The following EXD3 variants were observed in gnomAD, a reference collection of about 807,000 sequenced individuals.
EXD3 encodes exonuclease mut-7 homolog.
A neutral mutation model predicts 98.0 loss-of-function variants in EXD3; 92 were observed. The observed-to-expected ratio is 0.94, with a 90% CI of 0.79 to 1.12. The LOEUF is 1.12. Among genes scored for constraint, EXD3 ranks in the 50% most tolerant of loss-of-function variants. The pLI is 0.00. For synonymous variants in EXD3, 569 were observed against 526.0 expected (o/e 1.08, Z -1.12); for missense variants, 1,222 against 1,191.6 (o/e 1.03, Z -0.38).
chr9:137,396,671 C>A (rs758146562), intron 1 of EXD3, among the ~76,000 whole-genome samples: 2 of 152,218 alleles, frequency 1.3e-5, no homozygotes, highest in African/African-American at 4.8e-5. Flanking sequence ...AAAAAAGTTA[C>A]GTGGACATCG....
Position 137,383,364 on chromosome 9 carries a change from G to A in EXD3, c.69C>T (p.Leu23=). The A allele has an allele frequency of 6.4e-7, 1 of 1,550,686 alleles. No homozygotes were observed. Among genetic ancestry groups the A allele is most frequent in the Non-Finnish European group, 8.7e-7 (1 of 1,146,924 alleles). ...GERHRMGRDP[L]LLLQALQTLW... ...GGGTCTGCAGGGCCTGCAGGAGCAG[G>A]AGGGGGTCCCGGCCTGTGGAGATAA... Residue 23 remains leucine, a synonymous_variant, in exon 3 of 22, where the codon CTC becomes CTT. Coordinates refer to ENST00000340951, the MANE Select transcript of EXD3 (RefSeq NM_017820.5).
At position 137,349,922 on chromosome 9, in the gene EXD3, AC is replaced by A. The variant is rs1470332796; in HGVS notation, c.1495-392del. 2.0e-5 allele frequency among the ~76,000 whole-genome samples: 3 copies of A among 146,586 alleles called. No homozygotes were observed. The highest frequency in any genetic ancestry group is 3.0e-5 in the Non-Finnish European group (2 of 66,936). Reference sequence around the variant, plus strand: ...AACGCAGACAAAATGCAGCGAAACCACCCCCGGGGGGCTCTAGTGCTCATGC... The same window carrying A: ...AACGCAGACAAAATGCAGCGAAACCACCCCGGGGGGCTCTAGTGCTCATGC... On this transcript the variant is annotated intron_variant, in intron 14 of 21. Coordinates refer to ENST00000340951, the MANE Select transcript of EXD3 (RefSeq NM_017820.5). This position sits in a 1 kb window ranked among gnomAD's most constrained non-coding sequence, Gnocchi z 7.4.
intron 8 of EXD3, among the ~76,000 whole-genome samples, chr9:137,355,716 G>T (rs1016609346): frequency 3.5e-3 from 530 of 150,876 alleles, no homozygotes; most frequent in African/African-American, 0.012. Context: ...AAGGAGGAAG[G>T]AGGAAGGAGG....
intron 17 of EXD3, chr9:137,343,573 A>ATTTTTTT (rs1564493044): frequency 8.4e-4 from 19 of 22,534 alleles, no homozygotes; most frequent in African/African-American, 2.7e-3. Context: ...GGACTACTGT[A>ATTTTTTT]TCTTTTTTTT....
At chr9:137,396,776 T>C (rs551913067) in intron 1 of EXD3, among the ~76,000 whole-genome samples, 181 of 152,372 alleles carry the variant, frequency 1.2e-3, no homozygotes, top group African/African-American at 4.3e-3. Flanking sequence ...TCCAGACTCC[T>C]GCTCCACCGT....
rs186864043 is a variant in EXD3 at position 137,402,846 on chromosome 9, C to T, written c.-47-7442G>A. ...CATGGCTGGGGAGGCCTCAGAATCA[C>T]GGTGGAAGGCGAAAGGCACTTCTTA... On this transcript the variant is annotated intron_variant, in intron 1 of 21. Coordinates refer to ENST00000340951, the MANE Select transcript of EXD3 (RefSeq NM_017820.5). Among the ~76,000 whole-genome samples, 26 of 152,196 alleles carry T rather than the reference C, an allele frequency of 1.7e-4. No homozygotes were observed. In the East Asian group the frequency reaches 2.9e-3, roughly 17 times the overall value.
chr9:137,351,266 T>A, intron 13 of EXD3, 52 bp downstream of exon 13: 1 of 1,562,720 alleles, frequency 6.4e-7, no homozygotes, highest in Non-Finnish European at 8.7e-7. Flanking sequence ...CAGGCAGGGG[T>A]GCGGGCTGCT....
intron 20 of EXD3, among the ~76,000 whole-genome samples, chr9:137,308,400 C>T (rs1231878145): frequency 6.6e-6 from 1 of 152,166 alleles, no homozygotes; most frequent in African/African-American, 2.4e-5. Context: ...CCCTGGCTGG[C>T]CCCAGCTCTT....
At chr9:137,330,326 A>G (rs1002603658) in intron 17 of EXD3, among the ~76,000 whole-genome samples, 18 of 140,684 alleles carry the variant, frequency 1.3e-4, no homozygotes, top group African/African-American at 4.7e-4. Flanking sequence ...CCGGAGCTAC[A>G]CGGGACTACA....
intron 21 of EXD3, 91 bp downstream of exon 21, chr9:137,307,517 G>T: frequency 6.6e-7 from 1 of 1,509,768 alleles, no homozygotes; most frequent in Non-Finnish European, 8.9e-7. Flanking sequence ...CCTCTGCCCG[G>T]CCGGGACCCA....
At chr9:137,387,257 T>C (rs1019809592) in intron 2 of EXD3, among the ~76,000 whole-genome samples, 1 of 152,118 alleles carries the variant, frequency 6.6e-6, no homozygotes, top group Non-Finnish European at 1.5e-5. Context: ...CTGGGTCTCC[T>C]TCCAGGCCAT....
At chr9:137,361,639 T>C (rs570120100) in intron 7 of EXD3, among the ~76,000 whole-genome samples, 5 of 150,816 alleles carry the variant, frequency 3.3e-5, no homozygotes, top group Admixed American at 2.7e-4. Flanking sequence ...CCAGCTACTC[T>C]GGAGGGTGAG....
intron 2 of EXD3, among the ~76,000 whole-genome samples, chr9:137,386,455 C>G (rs940011628): frequency 6.6e-6 from 1 of 151,978 alleles, no homozygotes; most frequent in African/African-American, 2.4e-5. Context: ...TTCTGCCCTC[C>G]AGGTGGGCAG....
At chr9:137,373,739 C>G (rs530109938) in intron 3 of EXD3, 140 bp from the exon 4 acceptor site, 454 of 951,614 alleles carry the variant, frequency 4.8e-4, no homozygotes, top group Non-Finnish European at 5.9e-4. Flanking sequence ...TCTGCGCCTC[C>G]GTGACTTTTC....
intron 3 of EXD3, among the ~76,000 whole-genome samples, chr9:137,375,168 C>T (rs1441355513): frequency 6.6e-6 from 1 of 152,190 alleles, no homozygotes; most frequent in African/African-American, 2.4e-5. Flanking sequence ...GCCACCATGC[C>T]TGGCTAATTT....
chr9:137,410,020 C>T (rs1291113064), intron 1 of EXD3, among the ~76,000 whole-genome samples: 1 of 151,848 alleles, frequency 6.6e-6, no homozygotes, highest in Non-Finnish European at 1.5e-5. Context: ...ACTAAAAATA[C>T]AAAAAATTAG....
At chr9:137,401,021 T>G (rs1787059434) in intron 1 of EXD3, among the ~76,000 whole-genome samples, 1 of 152,046 alleles carries the variant, frequency 6.6e-6, no homozygotes, top group Non-Finnish European at 1.5e-5. Flanking sequence ...TGTCTGCTGC[T>G]TTTCCAGGCA....
chr9:137,408,839 G>A (rs1439666857), intron 1 of EXD3, among the ~76,000 whole-genome samples: 1 of 152,220 alleles, frequency 6.6e-6, no homozygotes, highest in East Asian at 1.9e-4. Flanking sequence ...CCCAGGACCC[G>A]GGCGCAGCTT....
rs1442050851 is a variant in EXD3 at position 137,306,907 on chromosome 9, GC to G, written c.*42del. 1 of 1,519,754 alleles carries G rather than the reference GC, an allele frequency of 6.6e-7. No individual in the cohort carries two copies. The highest frequency in any genetic ancestry group is 8.8e-7 in the Non-Finnish European group (1 of 1,134,642). 94.1% of individuals were successfully genotyped at this position (1,519,754 alleles called of 1,614,324 possible). On this transcript the variant is annotated 3_prime_UTR_variant, in exon 22 of 22. Transcript: ENST00000340951. ...CATGTGAGCCAGTCCACGGCCATGGGCCCAGCAGTCGGGCACTTTCCATGTT... is the reference window on the plus strand; with the variant it reads ...CATGTGAGCCAGTCCACGGCCATGGGCCAGCAGTCGGGCACTTTCCATGTT...
Sources: allele counts gnomAD v4.1 joint callset (sites outside exome capture counted in the v4.1 genomes callset), GRCh38; gene constraint gnomAD v4.1.1; non-coding constraint Gnocchi (gnomAD v3.1); transcripts MANE v1.5; gene names NCBI Gene and HGNC (gene_info 2026-07-23, HGNC 2026-07-21).